The following ANO10 variants were observed in gnomAD, a reference collection of about 807,000 sequenced individuals.
ANO10 encodes anoctamin 10, also known as anoctamin-10.
ANO10 carries 77 observed loss-of-function variants against 74.7 expected under a neutral mutation model. That is an observed-to-expected ratio of 1.03 (90% confidence interval 0.86 to 1.25). The LOEUF (loss-of-function observed/expected upper bound fraction) is 1.25. Among genes scored for constraint, ANO10 ranks in the 50% most tolerant of loss-of-function variants. ANO10 has a pLI of 0.00. For synonymous variants in ANO10, 279 were observed against 284.9 expected (o/e 0.98, Z 0.21); for missense variants, 721 against 778.1 (o/e 0.93, Z 0.87).
intron 5 of ANO10, 141 bp downstream of exon 5, chr3:43,580,212 A>C: frequency 1.7e-6 from 2 of 1,183,018 alleles, no homozygotes; most frequent in Non-Finnish European, 2.5e-6. Flanking sequence ...CCCTCCATCA[A>C]AATGTTTTCC....
intron 11 of ANO10, among the ~76,000 whole-genome samples, chr3:43,437,637 A>C (rs1191299834): frequency 6.6e-6 from 1 of 152,204 alleles, no homozygotes; most frequent in Non-Finnish European, 1.5e-5. Context: ...TACCAGAGGC[A>C]GAAAGAAATT....
In ANO10 at chr3:43,535,590, G is replaced by A. The variant is rs371304785; in HGVS notation, c.1797+14130C>T. Among the ~76,000 whole-genome samples the A allele has an allele frequency of 2.8e-4, 42 of 152,082 alleles. No homozygotes were observed. The East Asian group carries it at 6.5e-3, about 23-fold the overall frequency. ...CGCCTGGCCTCCTAGACATTCTTAA[G>A]GAAGGAAGCAGGATGTTGATTTATA... On this transcript the variant is annotated intron_variant, in intron 11 of 12. Transcript: ENST00000292246.
intron 11 of ANO10, among the ~76,000 whole-genome samples, chr3:43,445,905 G>A (rs2148980384): frequency 1.3e-5 from 2 of 152,070 alleles, no homozygotes; most frequent in Middle Eastern, 3.4e-3. Flanking sequence ...TTGCCATGTT[G>A]CCCAGGCTGG....
chr3:43,513,132 C>T (rs1204766566), intron 11 of ANO10, among the ~76,000 whole-genome samples: 2 of 152,180 alleles, frequency 1.3e-5, no homozygotes, highest in Non-Finnish European at 2.9e-5. Flanking sequence ...AGGAAACTAT[C>T]TGAGGTCCGG....
intron 1 of ANO10, among the ~76,000 whole-genome samples, chr3:43,665,891 G>A (rs533168275): frequency 1.3e-5 from 2 of 152,260 alleles, no homozygotes; most frequent in Middle Eastern, 3.4e-3. Context: ...ACTTGGTGGT[G>A]TTTAATTATA....
chr3:43,565,188 C>T (rs2080251015), intron 8 of ANO10, among the ~76,000 whole-genome samples: 1 of 152,072 alleles, frequency 6.6e-6, no homozygotes, highest in East Asian at 1.9e-4. Context: ...ATTATGTGAT[C>T]CAGAAATGAC....
At chr3:43,667,757 G>A (rs183664460) in intron 1 of ANO10, among the ~76,000 whole-genome samples, 4 of 152,256 alleles carry the variant, frequency 2.6e-5, no homozygotes, top group Admixed American at 2.6e-4. Flanking sequence ...CCAAGTTGCT[G>A]CAAAAGACAT....
intron 11 of ANO10, among the ~76,000 whole-genome samples, chr3:43,515,516 C>T (rs544073982): frequency 6.6e-6 from 1 of 151,860 alleles, no homozygotes; most frequent in East Asian, 1.9e-4. Flanking sequence ...GCCTCCATAA[C>T]TGCATGAACC....
chr3:43,374,258 A>G (rs935937965), intron 12 of ANO10, among the ~76,000 whole-genome samples: 28 of 152,342 alleles, frequency 1.8e-4, no homozygotes, highest in African/African-American at 6.5e-4. Flanking sequence ...CTTTGTTGAT[A>G]TAACTTTTAA....
At chr3:43,550,850 A>G (rs1028515230) in intron 10 of ANO10, among the ~76,000 whole-genome samples, 2 of 152,078 alleles carry the variant, frequency 1.3e-5, no homozygotes, top group Non-Finnish European at 2.9e-5. Flanking sequence ...TCCACTTCGC[A>G]GCTCCCATTC....
At chr3:43,547,443 GGCTATGATCCCC>G (rs2079246362) in intron 11 of ANO10, among the ~76,000 whole-genome samples, 1 of 152,134 alleles carries the variant, frequency 6.6e-6, no homozygotes, top group Non-Finnish European at 1.5e-5. Context: ...ATGTTGGCAG[GGCTATGATCCCC>G]CTGAAACCTG....
intron 11 of ANO10, among the ~76,000 whole-genome samples, chr3:43,476,454 C>T (rs1026419577): frequency 6.6e-6 from 1 of 152,086 alleles, no homozygotes; most frequent in African/African-American, 2.4e-5. Flanking sequence ...CATGTCATCC[C>T]ACCAATTGTC....
intron 12 of ANO10, among the ~76,000 whole-genome samples, chr3:43,393,072 A>ACCATGC (rs1198291178): frequency 1.3e-5 from 2 of 152,216 alleles, no homozygotes; most frequent in African/African-American, 4.8e-5. Flanking sequence ...CCTGAGAGAG[A>ACCATGC]CCATGCACAC....
chr3:43,632,225 C>G (rs1465754781), intron 1 of ANO10, among the ~76,000 whole-genome samples: 3 of 152,252 alleles, frequency 2.0e-5, no homozygotes. Context: ...CCCTTCTCCA[C>G]CCTCCTCTGT....
chr3:43,504,300 G>GATAGA (rs1553692116), intron 11 of ANO10, among the ~76,000 whole-genome samples: 2 of 139,724 alleles, frequency 1.4e-5, no homozygotes, highest in Admixed American at 7.3e-5. Context: ...AGGTAGGTAG[G>GATAGA]TAGATAGATA....
chr3:43,444,185 T>C (rs954678213), intron 11 of ANO10, among the ~76,000 whole-genome samples: 2 of 151,920 alleles, frequency 1.3e-5, no homozygotes, highest in African/African-American at 4.8e-5. Flanking sequence ...AATGATGGGG[T>C]TGTCATTTGT....
intron 8 of ANO10, among the ~76,000 whole-genome samples, chr3:43,565,343 A>G (rs2080259220): frequency 6.6e-6 from 1 of 152,202 alleles, no homozygotes. Context: ...TCCAAGGCAC[A>G]CAAAACAGTT....
intron 11 of ANO10, among the ~76,000 whole-genome samples, chr3:43,530,875 TGTG>T (rs1420809279): frequency 4.0e-5 from 6 of 149,394 alleles, no homozygotes; most frequent in Non-Finnish European, 8.9e-5. Flanking sequence ...CTGGGACTAA[TGTG>T]TGTGTGTGTG....
rs568756350 is a variant in ANO10 at position 43,691,286 on chromosome 3, G to A, written c.-12+231C>T. 139 of 363,874 alleles carry A rather than the reference G, an allele frequency of 3.8e-4. No individual in the cohort carries two copies. In the East Asian group the frequency reaches 4.8e-3, roughly 13 times the overall value. The allele number at this position is 363,874 out of a possible 1,614,324, so 22.5% of individuals were successfully genotyped here. ...GAGCCGGACTCCGGCCGCGCCGGGAGGCCGCCTTGACCCCGCGCGGAGGGT... is the reference window on the plus strand; with the variant it reads ...GAGCCGGACTCCGGCCGCGCCGGGAAGCCGCCTTGACCCCGCGCGGAGGGT... On this transcript the variant is annotated intron_variant, in intron 1 of 3. Coordinates refer to the ANO10 transcript ENST00000413397.
Sources: allele counts gnomAD v4.1 joint callset (sites outside exome capture counted in the v4.1 genomes callset), GRCh38; gene constraint gnomAD v4.1.1; transcripts MANE v1.5; gene names NCBI Gene and HGNC (gene_info 2026-07-23, HGNC 2026-07-21).